Variants in NEK6 observed in about 807,000 individuals in gnomAD.
NEK6 encodes serine/threonine-protein kinase Nek6.
A neutral mutation model predicts 43.5 loss-of-function variants in NEK6; 27 were observed. The observed-to-expected ratio is 0.62, with a 90% CI of 0.46 to 0.86. The LOEUF (loss-of-function observed/expected upper bound fraction) is 0.86. NEK6 is among the 40% of genes least tolerant of loss of function. The pLI, the probability that NEK6 is intolerant of heterozygous loss-of-function variation, is 0.00. For synonymous variants in NEK6, 167 were observed against 164.1 expected (o/e 1.02, Z -0.14); for missense variants, 318 against 414.4 (o/e 0.77, Z 2.02).
chr9:124,258,870 G>A (rs1830914939), intron 1 of NEK6, among the ~76,000 whole-genome samples: 1 of 152,264 alleles, frequency 6.6e-6, no homozygotes, highest in South Asian at 2.1e-4. Context: ...AGGCTGTGGT[G>A]GGCCCCTCGG....
intron 8 of NEK6, among the ~76,000 whole-genome samples, chr9:124,344,564 G>A (rs930497536): frequency 2.2e-4 from 34 of 152,362 alleles, no homozygotes; most frequent in African/African-American, 8.2e-4. Flanking sequence ...CCCGGTGGGA[G>A]CTGGGAGCAA....
intron 1 of NEK6, among the ~76,000 whole-genome samples, chr9:124,265,081 G>A (rs1831178458): frequency 6.6e-6 from 1 of 152,160 alleles, no homozygotes; most frequent in South Asian, 2.1e-4. Flanking sequence ...ACTGGGGAGC[G>A]ACTGATTAAG....
At chr9:124,280,462 C>G (rs1387248317) in intron 1 of NEK6, among the ~76,000 whole-genome samples, 1 of 152,242 alleles carries the variant, frequency 6.6e-6, no homozygotes, top group African/African-American at 2.4e-5. Context: ...ATTGGAGCGT[C>G]CTTAGAGATG....
At chr9:124,329,612 C>T (rs567001233) in intron 7 of NEK6, among the ~76,000 whole-genome samples, 5 of 152,346 alleles carry the variant, frequency 3.3e-5, no homozygotes, top group East Asian at 1.9e-4. Context: ...GCTCTGTGCC[C>T]GGCATCCAGG....
At chr9:124,292,630 C>T (rs984671576) in intron 1 of NEK6, 26 of 1,463,978 alleles carry the variant, frequency 1.8e-5, no homozygotes, top group Admixed American at 1.2e-4. Flanking sequence ...GTAGTAGCTG[C>T]GGTTCTGCTC....
intron 4 of NEK6, 25 bp downstream of exon 4, chr9:124,314,010 G>C (rs764943372): frequency 2.5e-6 from 4 of 1,612,486 alleles, no homozygotes; most frequent in Non-Finnish European, 3.4e-6. Flanking sequence ...CCGAGCGGGA[G>C]CTTTGCCTCC....
At chr9:124,348,714 A>G (rs1489372127) in intron 9 of NEK6, among the ~76,000 whole-genome samples, 1 of 152,174 alleles carries the variant, frequency 6.6e-6, no homozygotes, top group Admixed American at 6.5e-5. Context: ...ACTAAATATC[A>G]TGTGACCCTT....
chr9:124,309,514 G>A (rs750674912), intron 2 of NEK6, among the ~76,000 whole-genome samples: 3 of 152,186 alleles, frequency 2.0e-5, no homozygotes, highest in African/African-American at 4.8e-5. Flanking sequence ...GGCCCAAGAG[G>A]GGAGGGAGCC....
At chr9:124,298,217 C>A (rs1182483152) in intron 1 of NEK6, among the ~76,000 whole-genome samples, 3 of 151,982 alleles carry the variant, frequency 2.0e-5, no homozygotes, top group Non-Finnish European at 2.9e-5. Context: ...CTTCCTCCTT[C>A]CCCCTCGCGC....
chr9:124,306,199 G>A lies in NEK6; in HGVS notation c.90+4145G>A, dbSNP rs74835487. 4.9e-4 allele frequency among the ~76,000 whole-genome samples: 75 copies of A among 152,242 alleles called. No homozygotes were observed. In the East Asian group the frequency reaches 0.013, roughly 27 times the overall value. On this transcript the variant is annotated intron_variant, in intron 2 of 9. Transcript: ENST00000320246. ...CCTCACTTGGTAGTGGAAGGGATGAGGGAGAGGGGTTGTCAGGAGTGGCAG... is the reference window on the plus strand; with the variant it reads ...CCTCACTTGGTAGTGGAAGGGATGAAGGAGAGGGGTTGTCAGGAGTGGCAG...
intron 1 of NEK6, chr9:124,292,404 C>A: frequency 6.5e-7 from 1 of 1,527,360 alleles, no homozygotes; most frequent in Non-Finnish European, 8.8e-7. Context: ...AAAAGCAATT[C>A]TTTCTCTAGG....
At chr9:124,257,655 G>A, upstream of NEK6, 1 of 1,522,204 alleles carries the variant, frequency 6.6e-7, no homozygotes, top group Admixed American at 2.0e-5. Context: ...TCCAAGGGTT[G>A]GCTGACTGCA....
chr9:124,331,278 A>AAAAC (rs1554854312), intron 7 of NEK6, among the ~76,000 whole-genome samples: 1 of 150,794 alleles, frequency 6.6e-6, no homozygotes, highest in Non-Finnish European at 1.5e-5. Flanking sequence ...AAAAAACAAA[A>AAAAC]CATTTTGCTC....
intron 7 of NEK6, among the ~76,000 whole-genome samples, chr9:124,335,220 C>T (rs957815099): frequency 3.9e-5 from 6 of 152,080 alleles, no homozygotes; most frequent in Non-Finnish European, 5.9e-5. Flanking sequence ...TGGTTGGCTA[C>T]GACAAGCCAT....
chr9:124,344,393 C>T (rs1405685474), intron 8 of NEK6, among the ~76,000 whole-genome samples: 1 of 152,234 alleles, frequency 6.6e-6, no homozygotes, highest in African/African-American at 2.4e-5. Flanking sequence ...CTGTGGCCAC[C>T]GGAGTTGCTG....
chr9:124,267,145 C>T (rs1422267346), intron 1 of NEK6, among the ~76,000 whole-genome samples: 1 of 152,266 alleles, frequency 6.6e-6, no homozygotes, highest in Non-Finnish European at 1.5e-5. Context: ...CCTCTGAGCA[C>T]AGACATGACT....
At chr9:124,316,443 C>T (rs1833821502) in intron 4 of NEK6, among the ~76,000 whole-genome samples, 1 of 152,204 alleles carries the variant, frequency 6.6e-6, no homozygotes, top group East Asian at 1.9e-4. Flanking sequence ...GGCAGAGATT[C>T]AAAGGACAGG....
chr9:124,316,116 C>T (rs986083429), intron 4 of NEK6, among the ~76,000 whole-genome samples: 2 of 152,224 alleles, frequency 1.3e-5, no homozygotes, highest in Non-Finnish European at 2.9e-5. Flanking sequence ...CAGGATGTGC[C>T]AGGGCACGAG....
rs55896623 is a variant in NEK6, at chr9:124,350,501, GACACACACACACAC to G, written c.832-318_832-305del. Among the ~76,000 whole-genome samples the G allele has an allele frequency of 4.6e-3, 699 of 150,820 alleles. 5 individuals are homozygous for G. The highest frequency in any genetic ancestry group is 0.013 in the African/African-American group (520 of 41,180). ...TTGGGCATCTGCGTGACTGACAGCA[GACACACACACACAC>G]ACACACACACACACACAATTTGCCC... On this transcript the variant is annotated intron_variant, in intron 9 of 9. Coordinates refer to ENST00000320246, the MANE Select transcript of NEK6 (RefSeq NM_014397.6).
Sources: allele counts gnomAD v4.1 joint callset (sites outside exome capture counted in the v4.1 genomes callset), GRCh38; gene constraint gnomAD v4.1.1; transcripts MANE v1.5; gene names NCBI Gene and HGNC (gene_info 2026-07-23, HGNC 2026-07-21).